The following RGS6 variants were observed in gnomAD, a reference collection of about 807,000 sequenced individuals.
RGS6 encodes regulator of G-protein signaling 6.
Under a neutral mutation model 78.5 loss-of-function variants are expected in RGS6, and 30 were observed. That is an observed-to-expected ratio of 0.38 (90% confidence interval 0.29 to 0.52). The LOEUF (loss-of-function observed/expected upper bound fraction) is 0.52. Ranked by LOEUF, RGS6 falls within the 20% of genes least tolerant of loss-of-function variation. The pLI is 0.85. For synonymous variants in RGS6, 206 were observed against 206.0 expected (o/e 1.00, Z 0.00); for missense variants, 495 against 609.7 (o/e 0.81, Z 1.98).
intron 3 of RGS6, among the ~76,000 whole-genome samples, chr14:72,416,198 TA>T (rs914551891): frequency 1.3e-5 from 2 of 151,714 alleles, no homozygotes; most frequent in African/African-American, 4.8e-5. Context: ...GCATTGAAAT[TA>T]AAAGAATCTA....
chr14:71,918,583 A>T, the RGS6 span, among the ~76,000 whole-genome samples: 35 of 152,356 alleles, frequency 2.3e-4, no homozygotes, highest in Admixed American at 1.2e-3. Flanking sequence ...ACAGAGATGT[A>T]GTTTACAGCA....
intron 2 of RGS6, among the ~76,000 whole-genome samples, chr14:72,268,510 C>T (rs1189728888): frequency 6.6e-6 from 1 of 152,218 alleles, no homozygotes; most frequent in African/African-American, 2.4e-5. Flanking sequence ...CTCACTTCCT[C>T]CCTCTCTCCT....
At chr14:72,411,539 C>G (rs1191568903) in intron 3 of RGS6, among the ~76,000 whole-genome samples, 5 of 152,148 alleles carry the variant, frequency 3.3e-5, no homozygotes, top group African/African-American at 1.2e-4. Context: ...TCCTCTTTTC[C>G]TAAATGAATA....
At chr14:72,519,784 G>T (rs1430814881) in intron 15 of RGS6, among the ~76,000 whole-genome samples, 1 of 152,168 alleles carries the variant, frequency 6.6e-6, no homozygotes, top group Non-Finnish European at 1.5e-5. Context: ...TGGCCAGAGA[G>T]GAGAGTGACA....
rs536824448 is a variant in RGS6 at position 72,491,464 on chromosome 14, A to G, written c.855-3688A>G. Among the ~76,000 whole-genome samples the G allele has an allele frequency of 5.3e-5, 8 of 152,258 alleles. No individual in the cohort carries two copies. The South Asian group carries it at 1.2e-3, about 24-fold the overall frequency. On this transcript the variant is annotated intron_variant, in intron 12 of 17. Transcript: ENST00000553525. ...TCTTCTCCCTTTCCTCAAATGCAAC[A>G]TGTCACTAAAGGAACAAAAATGGCA...
intron 2 of RGS6, among the ~76,000 whole-genome samples, chr14:72,143,393 G>T (rs2096567027): frequency 6.6e-6 from 1 of 151,882 alleles, no homozygotes; most frequent in Non-Finnish European, 1.5e-5. Flanking sequence ...ACAAAAAACT[G>T]TCTTTTTCTA....
intron 2 of RGS6, among the ~76,000 whole-genome samples, chr14:72,057,351 T>C (rs1055163673): frequency 2.8e-5 from 4 of 145,100 alleles, no homozygotes; most frequent in Admixed American, 2.1e-4. Flanking sequence ...GAATGTTTGC[T>C]TCTGTAGGCA....
intron 1 of RGS6, among the ~76,000 whole-genome samples, chr14:71,936,033 TATATATATGTAC>T (rs1239615294): frequency 7.2e-6 from 1 of 139,792 alleles, no homozygotes; most frequent in Non-Finnish European, 1.5e-5. Context: ...TATATATATA[TATATATATGTAC>T]ATATATATCA....
chr14:72,516,143 C>T (rs570288277), intron 14 of RGS6, among the ~76,000 whole-genome samples: 1 of 152,356 alleles, frequency 6.6e-6, no homozygotes, highest in East Asian at 1.9e-4. Context: ...CTGGCTTCTT[C>T]CTATAGAGCC....
chr14:72,241,181 T>C (rs192670087), intron 2 of RGS6, among the ~76,000 whole-genome samples: 4 of 149,378 alleles, frequency 2.7e-5, no homozygotes, highest in Admixed American at 6.7e-5. Flanking sequence ...ACAAAACTTA[T>C]GCCTTTTATG....
At chr14:72,576,496 C>T in the RGS6 span, among the ~76,000 whole-genome samples, 2 of 152,224 alleles carry the variant, frequency 1.3e-5, no homozygotes, top group Admixed American at 6.5e-5. Flanking sequence ...CATCTGTAAT[C>T]TCATAGAATG....
At chr14:71,922,354 T>G in the RGS6 span, among the ~76,000 whole-genome samples, 3 of 152,214 alleles carry the variant, frequency 2.0e-5, no homozygotes, top group Admixed American at 6.5e-5. Context: ...CTCACCATAC[T>G]GGATTACCAC....
chr14:71,961,669 C>T (rs1292477768), intron 1 of RGS6, among the ~76,000 whole-genome samples: 1 of 152,128 alleles, frequency 6.6e-6, no homozygotes, highest in African/African-American at 2.4e-5. Context: ...CAGTTTTCCT[C>T]TTGGGTTAGC....
chr14:72,353,635 C>T (rs564663494), intron 3 of RGS6, among the ~76,000 whole-genome samples: 13 of 152,178 alleles, frequency 8.5e-5, no homozygotes, highest in African/African-American at 2.9e-4. Flanking sequence ...AACAGATGAA[C>T]AGTTCTGTAT....
At chr14:71,968,188 A>G (rs1745012530) in intron 2 of RGS6, among the ~76,000 whole-genome samples, 1 of 152,158 alleles carries the variant, frequency 6.6e-6, no homozygotes, top group African/African-American at 2.4e-5. Flanking sequence ...TAATGATGAT[A>G]TTTGAACCTA....
At chr14:72,583,696 C>A in the RGS6 span, among the ~76,000 whole-genome samples, 1 of 152,192 alleles carries the variant, frequency 6.6e-6, no homozygotes, top group Admixed American at 6.5e-5. Context: ...GCCAATCCTT[C>A]TTGATGCCCC....
chr14:72,415,184 C>T (rs1277445301), intron 3 of RGS6, among the ~76,000 whole-genome samples: 1 of 152,268 alleles, frequency 6.6e-6, no homozygotes, highest in African/African-American at 2.4e-5. Context: ...GTGGTGGGTT[C>T]CACCCAGTTT....
At chr14:72,026,400 CCA>C (rs1208791009) in intron 2 of RGS6, among the ~76,000 whole-genome samples, 28 of 151,822 alleles carry the variant, frequency 1.8e-4, no homozygotes, top group Non-Finnish European at 3.4e-4. Context: ...GACAGAGACT[CCA>C]TCTCAAAAAG....
At chr14:71,931,534 T>C (rs1402050742), upstream of RGS6, among the ~76,000 whole-genome samples, 1 of 150,770 alleles carries the variant, frequency 6.6e-6, no homozygotes, top group Admixed American at 6.6e-5. Context: ...AGGTCATCCA[T>C]CGTTAAAGGC....
Sources: allele counts gnomAD v4.1 joint callset (sites outside exome capture counted in the v4.1 genomes callset), GRCh38; gene constraint gnomAD v4.1.1; transcripts MANE v1.5; gene names NCBI Gene and HGNC (gene_info 2026-07-23, HGNC 2026-07-21).